The following C14orf93 variants were observed in gnomAD, a reference collection of about 807,000 sequenced individuals.
The protein encoded by C14orf93 is uncharacterized protein C14orf93.
C14orf93 carries 23 observed loss-of-function variants against 44.0 expected under a neutral mutation model. The ratio of observed to expected loss-of-function variants is 0.52; its 90% CI spans 0.38 to 0.74. The LOEUF (loss-of-function observed/expected upper bound fraction) is 0.74. C14orf93 is among the 30% of genes least tolerant of loss of function. The pLI, the probability that C14orf93 is intolerant of heterozygous loss-of-function variation, is 0.00. For missense variants in C14orf93, 579 were observed against 678.9 expected, an observed-to-expected ratio of 0.85 and a Z score of 1.64; for synonymous variants, 253 against 265.7, an observed-to-expected ratio of 0.95 and a Z score of 0.46.
chr14:23,009,217 C>T (rs2046771047), intron 1 of C14orf93, among the ~76,000 whole-genome samples: 1 of 152,140 alleles, frequency 6.6e-6, no homozygotes, highest in Non-Finnish European at 1.5e-5. Flanking sequence ...CCTTTAGGAG[C>T]AGAAAAATAT....
intron 3 of C14orf93, among the ~76,000 whole-genome samples, chr14:22,995,140 C>G (rs2045892246): frequency 6.6e-6 from 1 of 152,144 alleles, no homozygotes; most frequent in African/African-American, 2.4e-5. Context: ...CAGGCCAGTC[C>G]CTTCCTGGCT....
At chr14:22,994,625 G>A (rs1785766355) in intron 3 of C14orf93, among the ~76,000 whole-genome samples, 1 of 151,968 alleles carries the variant, frequency 6.6e-6, no homozygotes, top group South Asian at 2.1e-4. Flanking sequence ...CTACTCGGGA[G>A]GCTGAGGTGG....
At chr14:23,005,627 T>C (rs1470503263) in intron 1 of C14orf93, 1 of 152,198 alleles carries the variant, frequency 6.6e-6, no homozygotes, top group African/African-American at 2.4e-5. Flanking sequence ...TTGGGATGCG[T>C]TGCCAACACA....
At chr14:22,995,570 C>G (rs1215324485) in intron 3 of C14orf93, among the ~76,000 whole-genome samples, 2 of 151,054 alleles carry the variant, frequency 1.3e-5, no homozygotes, top group Non-Finnish European at 2.9e-5. Flanking sequence ...ATCCCAGCTA[C>G]TCAGGAGGCT....
At chr14:22,992,807 A>T (rs1179739787) in intron 3 of C14orf93, among the ~76,000 whole-genome samples, 8 of 150,382 alleles carry the variant, frequency 5.3e-5, no homozygotes, top group Non-Finnish European at 1.2e-4. Flanking sequence ...CTGGTCTTGA[A>T]CTCCTGACCT....
intron 3 of C14orf93, chr14:22,993,814 C>T (rs1044801604): frequency 6.6e-6 from 1 of 152,212 alleles, no homozygotes; most frequent in Non-Finnish European, 1.5e-5. Context: ...TCACAGGATC[C>T]CTAGCAGCAA....
At chr14:23,003,025 G>A (rs2046390476) in intron 1 of C14orf93, among the ~76,000 whole-genome samples, 1 of 152,180 alleles carries the variant, frequency 6.6e-6, no homozygotes, top group African/African-American at 2.4e-5. Flanking sequence ...TTTAGTATTT[G>A]TAATTTACTT....
Position 23,008,154 on chromosome 14 carries a change from CAAAAAAAAAAAAAA to C in C14orf93, c.-380+1933_-380+1946del, listed in dbSNP as rs55936083. On this transcript the variant is annotated intron_variant, in intron 1 of 6. Coordinates refer to ENST00000299088, the MANE Select transcript of C14orf93 (RefSeq NM_021944.4). Reference sequence around the variant, plus strand: ...GGGCAACAAGAGCGAAACTCCGTTTCAAAAAAAAAAAAAAAAAAAAAAAAAACTCCCATCACTGT... The same window carrying C: ...GGGCAACAAGAGCGAAACTCCGTTTCAAAAAAAAAAAACTCCCATCACTGT... Among the ~76,000 whole-genome samples the C allele has an allele frequency of 9.6e-3, 816 of 85,106 alleles. 11 individuals carry two copies. Among genetic ancestry groups the C allele is most frequent in the African/African-American group, 0.021 (653 of 30,650 alleles). 55.8% of individuals were successfully genotyped at this position (85,106 alleles called of 152,430 possible).
At position 22,987,973 on chromosome 14, in the gene C14orf93, C is replaced by T. The variant is rs778432140; in HGVS notation, c.1127G>A (p.Arg376His). ...GCCTTTAAAGGGGTTCAGGGAGTTG[C>T]GGTACTCACGCCTCTTAGTAAGGAA... is the stretch of plus-strand genomic sequence containing the variant. ...AYFLTKRREY[R>H]NSLNPFKGLK... The change falls in exon 6 of 7, where the codon CGC becomes CAC. Residue 376 changes from arginine to histidine, a missense_variant. Physicochemically the swap from Arg to His is conservative, Grantham distance 29. Transcript: ENST00000299088. The surrounding 1 kb of genome is among the most constrained non-coding windows in gnomAD (Gnocchi z 5.6). 10 of 1,613,622 alleles carry T rather than the reference C, an allele frequency of 6.2e-6. No individual in the cohort carries two copies. The highest frequency in any genetic ancestry group is 2.7e-5 in the African/African-American group (2 of 74,848).
rs2045332494 is a variant in C14orf93 at position 22,987,920 on chromosome 14, G to C, written c.1180C>G (p.Arg394Gly). 9 of 1,613,502 alleles carry C rather than the reference G, an allele frequency of 5.6e-6. No individual in the cohort carries two copies. The highest frequency in any genetic ancestry group is 7.6e-6 in the Non-Finnish European group (9 of 1,179,514). ...GLKEKEEKKL[R>G]SRRYRLFANR... ...AAACCTACCCGATATCGGCGACTTC[G>C]AAGTTTCTTCTCCTCTTTTTCCTTC... Residue 394 changes from arginine to glycine, a missense_variant, in exon 6 of 7, where the codon CGA becomes GGA. Arg to Gly is a moderately radical substitution (Grantham distance 125). Coordinates refer to ENST00000299088, the MANE Select transcript of C14orf93 (RefSeq NM_021944.4). This position sits in a 1 kb window ranked among gnomAD's most constrained non-coding sequence, Gnocchi z 5.6.
intron 5 of C14orf93, 118 bp from the exon 6 acceptor site, chr14:22,988,133 G>GTT: frequency 3.4e-6 from 2 of 588,138 alleles, no homozygotes; most frequent in South Asian, 2.3e-5. Flanking sequence ...TTAGATGAGG[G>GTT]CTTTTTTTTT....
At chr14:23,007,518 G>A (rs2046688949) in intron 1 of C14orf93, among the ~76,000 whole-genome samples, 1 of 152,166 alleles carries the variant, frequency 6.6e-6, no homozygotes, top group African/African-American at 2.4e-5. Context: ...CAAATTAGCA[G>A]CTCCTCACAG....
At chr14:23,001,228 T>C (rs1328357978) in intron 1 of C14orf93, among the ~76,000 whole-genome samples, 1 of 152,234 alleles carries the variant, frequency 6.6e-6, no homozygotes, top group East Asian at 1.9e-4. Flanking sequence ...TAAACATAGA[T>C]GCTGTGGGCA....
chr14:23,000,002 C>T (rs1180666135), intron 1 of C14orf93: 2 of 152,198 alleles, frequency 1.3e-5, no homozygotes, highest in Non-Finnish European at 2.9e-5. Context: ...CCTGAATCTT[C>T]CAGCCAGGAG....
chr14:23,009,604 T>G (rs765861791), intron 1 of C14orf93, among the ~76,000 whole-genome samples: 13 of 152,096 alleles, frequency 8.5e-5, no homozygotes, highest in Non-Finnish European at 1.6e-4. Context: ...AATATTAACT[T>G]ATTGGCCTTG....
At chr14:22,992,023 C>T (rs974081415) in intron 3 of C14orf93, among the ~76,000 whole-genome samples, 6 of 152,318 alleles carry the variant, frequency 3.9e-5, no homozygotes, top group African/African-American at 1.4e-4. Flanking sequence ...AAACGTGAAT[C>T]GGAAAAGACC....
At position 22,996,394 on chromosome 14, in the gene C14orf93, A is replaced by C; in HGVS notation, c.598-126T>G. 2.2e-6 allele frequency: 2 copies of C among 928,548 alleles called. No individual in the cohort carries two copies. The highest frequency in any genetic ancestry group is 3.1e-6 in the Non-Finnish European group (2 of 642,382). 57.5% of individuals were successfully genotyped at this position (928,548 alleles called of 1,614,324 possible). A position where few individuals can be genotyped will look rare whatever the true frequency, so the allele number is the denominator to read the frequency against. On this transcript the variant is annotated intron_variant, in intron 2 of 6. Transcript: ENST00000299088. The surrounding 1 kb of genome is among the most constrained non-coding windows in gnomAD (Gnocchi z 4.1). ...AAGGGGAACTCTAGCACAGTCTTTA[A>C]TGGTCAATGGCTTGTTTCTCTGGGA...
intron 1 of C14orf93, among the ~76,000 whole-genome samples, chr14:22,999,681 T>G (rs2046197880): frequency 6.6e-6 from 1 of 151,840 alleles, no homozygotes; most frequent in Non-Finnish European, 1.5e-5. Flanking sequence ...AGTGTTGTAT[T>G]TTTTTTTAAC....
At chr14:23,000,503 G>A (rs1289065826) in intron 1 of C14orf93, among the ~76,000 whole-genome samples, 1 of 152,010 alleles carries the variant, frequency 6.6e-6, no homozygotes, top group Non-Finnish European at 1.5e-5. Context: ...ATCACCTGAG[G>A]TCAGGAGTTT....
Sources: gnomAD v4.1 joint callset for allele counts (sites outside exome capture counted in the v4.1 genomes callset) on GRCh38, gnomAD v4.1.1 for gene constraint, Gnocchi (gnomAD v3.1) non-coding constraint, MANE v1.5 for transcripts, NCBI Gene and HGNC (gene_info 2026-07-23, HGNC 2026-07-21) for gene names.